SRP72: variants seen among roughly 807,000 people sequenced by gnomAD.
The protein encoded by SRP72 is signal recognition particle 72.
A neutral mutation model predicts 96.3 loss-of-function variants in SRP72; 49 were observed. The ratio of observed to expected loss-of-function variants is 0.51; its 90% CI spans 0.40 to 0.65. The LOEUF (loss-of-function observed/expected upper bound fraction) is 0.65. Ranked by LOEUF, SRP72 falls within the 30% of genes least tolerant of loss-of-function variation. The pLI, the probability that SRP72 is intolerant of heterozygous loss-of-function variation, is 0.00. For missense variants in SRP72, 736 were observed against 793.3 expected (o/e 0.93, Z 0.87); for synonymous variants, 267 against 275.2 (o/e 0.97, Z 0.30).
chr4:56,485,400 CAA>C (rs59208269), intron 10 of SRP72, among the ~76,000 whole-genome samples: 17,294 of 92,088 alleles, frequency 0.19, 1,309 homozygotes, highest in African/African-American at 0.3. Context: ...CTCCCCACAG[CAA>C]AAAAAAAAAA....
chr4:56,500,797 G>A, intron 18 of SRP72, 102 bp downstream of exon 18: 3 of 1,153,888 alleles, frequency 2.6e-6, no homozygotes, highest in East Asian at 5.2e-5. Flanking sequence ...TATGAGAAAT[G>A]TGATGTATCT....
At chr4:56,475,524 T>G (rs2110115005) in intron 5 of SRP72, among the ~76,000 whole-genome samples, 1 of 149,062 alleles carries the variant, frequency 6.7e-6, no homozygotes, top group South Asian at 2.1e-4. Context: ...ATCATACCAC[T>G]GTATTCCAGC....
intron 16 of SRP72, among the ~76,000 whole-genome samples, chr4:56,493,233 A>G (rs1037218307): frequency 4.6e-5 from 7 of 151,642 alleles, no homozygotes; most frequent in Non-Finnish European, 8.8e-5. Flanking sequence ...ACAGGGTTTC[A>G]CCATGTCGAT....
chr4:56,492,698 A>C (rs1196542792), intron 16 of SRP72, among the ~76,000 whole-genome samples: 3 of 152,252 alleles, frequency 2.0e-5, no homozygotes, highest in African/African-American at 7.2e-5. Flanking sequence ...AGTCTCAAAG[A>C]GGTTACATTG....
chr4:56,493,196 C>G (rs550645388), intron 16 of SRP72, among the ~76,000 whole-genome samples: 1 of 151,812 alleles, frequency 6.6e-6, no homozygotes, highest in Non-Finnish European at 1.5e-5. Context: ...TGCCATCACG[C>G]CTGGCTAATT....
At chr4:56,496,882 G>A (rs1315113875) in intron 17 of SRP72, among the ~76,000 whole-genome samples, 1 of 152,030 alleles carries the variant, frequency 6.6e-6, no homozygotes, top group African/African-American at 2.4e-5. Context: ...CCAGCTACTT[G>A]GGAGGCTGAG....
At chr4:56,481,743 CTG>C (rs1720495165) in intron 8 of SRP72, among the ~76,000 whole-genome samples, 1 of 145,712 alleles carries the variant, frequency 6.9e-6, no homozygotes, top group Non-Finnish European at 1.5e-5. Context: ...TGTGGCAACT[CTG>C]TGTTGAGCAT....
chr4:56,474,232 A>C, intron 4 of SRP72, 35 bp downstream of exon 4: 1 of 1,613,492 alleles, frequency 6.2e-7, no homozygotes, highest in Non-Finnish European at 8.5e-7. Flanking sequence ...TACAGTCATG[A>C]ATTATTATTC....
At chr4:56,484,655 A>G (rs1321274965) in intron 9 of SRP72, 81 bp from the exon 10 acceptor site, 34 of 1,568,032 alleles carry the variant, frequency 2.2e-5, no homozygotes, top group Non-Finnish European at 2.3e-5. Context: ...TGATTTTCCC[A>G]TGTTTCTTTT....
Position 56,489,414 on chromosome 4 carries a change from C to A in SRP72, c.1251C>A (p.Ser417Arg). The A allele has an allele frequency of 6.3e-7, 1 of 1,599,302 alleles. No homozygotes were observed. Among genetic ancestry groups the A allele is most frequent in the Non-Finnish European group, 8.5e-7 (1 of 1,170,014 alleles). ...TATCTGCATTAGTTACCATGTATAGCCATGAAGAAGATATTGATAGTGCCA... is the reference window on the plus strand; with the variant it reads ...TATCTGCATTAGTTACCATGTATAGACATGAAGAAGATATTGATAGTGCCA... ...GMVSALVTMYSHEEDIDSAIE... is the reference protein window; with the variant it reads ...GMVSALVTMYRHEEDIDSAIE... The change falls in exon 13 of 19, where the codon AGC (serine) becomes AGA (arginine). Residue 417 changes from serine (S) to arginine (R), a missense_variant. Physicochemically the swap from Ser to Arg is moderately radical, Grantham distance 110 (BLOSUM62 -1). Coordinates refer to ENST00000642900, the MANE Select transcript of SRP72 (RefSeq NM_006947.4).
In SRP72 at chr4:56,502,496, C is replaced by CATATATATATATGTATATATATATACAT; in HGVS notation, c.*647_*648insGTATATATATATACATATATATATATAT. ...ATATATATATATGTATATATATATA[C>CATATATATATATGTATATATATATACAT]ATATATATATATATATAAACATGAA... is the stretch of plus-strand genomic sequence containing the variant. On this transcript the variant is annotated 3_prime_UTR_variant, in exon 19 of 19. Coordinates refer to ENST00000642900, the MANE Select transcript of SRP72 (RefSeq NM_006947.4). 8.8e-6 allele frequency: 1 copy of CATATATATATATGTATATATATATACAT among 113,756 alleles called. No individual in the cohort carries two copies. Among genetic ancestry groups the CATATATATATATGTATATATATATACAT allele is most frequent in the East Asian group, 2.7e-4 (1 of 3,664 alleles). The allele number at this position is 113,756 out of a possible 1,614,324, so 7.0% of individuals were successfully genotyped here. A position where few individuals can be genotyped will look rare whatever the true frequency, so the allele number is the denominator to read the frequency against.
intron 8 of SRP72, among the ~76,000 whole-genome samples, chr4:56,479,417 G>C (rs962191331): frequency 1.3e-5 from 2 of 151,888 alleles, no homozygotes; most frequent in Admixed American, 1.3e-4. Flanking sequence ...CCGACCTCGT[G>C]ATCCGCCCAC....
At chr4:56,489,769 G>A (rs1282683032) in intron 13 of SRP72, among the ~76,000 whole-genome samples, 1 of 152,186 alleles carries the variant, frequency 6.6e-6, no homozygotes, top group Non-Finnish European at 1.5e-5. Flanking sequence ...AATAGTACAT[G>A]ATTGCATATT....
In SRP72 at chr4:56,501,724, A is replaced by G; in HGVS notation, c.1879A>G (p.Arg627Gly). The G allele has an allele frequency of 6.2e-7, 1 of 1,614,160 alleles. No individual in the cohort carries two copies. The highest frequency in any genetic ancestry group is 8.5e-7 in the Non-Finnish European group (1 of 1,180,020). Residue 627 changes from arginine to glycine, a missense_variant, in exon 19 of 19, where the codon AGA becomes GGA. By Grantham distance (125) the Arg-to-Gly change is moderately radical. Transcript: ENST00000642900. ...KTVSSPPTSPRPGSAATVSAS... is the reference protein window; with the variant it reads ...KTVSSPPTSPGPGSAATVSAS... ...TGTGAGCAGCCCACCCACCTCCCCA[A>G]GACCTGGCAGTGCTGCAACAGTATC...
At chr4:56,481,411 C>T (rs573188908) in intron 8 of SRP72, among the ~76,000 whole-genome samples, 2 of 152,276 alleles carry the variant, frequency 1.3e-5, no homozygotes, top group African/African-American at 4.8e-5. Flanking sequence ...ACTTAGTTTT[C>T]TCCCTTTTTT....
intron 11 of SRP72, among the ~76,000 whole-genome samples, chr4:56,486,887 C>G (rs1429690272): frequency 2.0e-5 from 3 of 152,210 alleles, no homozygotes; most frequent in Admixed American, 6.5e-5. Context: ...TTAAAACTGC[C>G]AATGTTTTTG....
chr4:56,490,269 T>C, intron 13 of SRP72, 64 bp from the exon 14 acceptor site: 1 of 1,300,616 alleles, frequency 7.7e-7, no homozygotes, highest in Non-Finnish European at 1.1e-6. Context: ...CTAATGAATA[T>C]AACTGCATGC....
intron 5 of SRP72, among the ~76,000 whole-genome samples, chr4:56,475,045 A>G (rs1720152366): frequency 6.6e-6 from 1 of 152,178 alleles, no homozygotes; most frequent in South Asian, 2.1e-4. Context: ...ATTAACGTGA[A>G]CATTTTGACT....
chr4:56,501,744 A>G lies in SRP72; in HGVS notation c.1899A>G (p.Thr633=), dbSNP rs977432295. The change falls in exon 19 of 19, where the codon ACA becomes ACG. Residue 633 remains threonine, a synonymous_variant. Transcript: ENST00000642900. ...PTSPRPGSAA[T]VSASTSNIIP... is the part of the protein sequence containing the mutation. ...CCCCAAGACCTGGCAGTGCTGCAAC[A>G]GTATCTGCCTCTACAAGTAACATCA... The G allele has an allele frequency of 1.2e-6, 2 of 1,614,146 alleles. No homozygotes were observed. The highest frequency in any genetic ancestry group is 4.5e-5 in the East Asian group (2 of 44,874).
Sources: allele counts gnomAD v4.1 joint callset (sites outside exome capture counted in the v4.1 genomes callset), GRCh38; gene constraint gnomAD v4.1.1; transcripts MANE v1.5; gene names NCBI Gene and HGNC (gene_info 2026-07-23, HGNC 2026-07-21).